NEBL: variants seen among roughly 807,000 people sequenced by gnomAD.
NEBL encodes the protein LIM and SH3 protein 2.
NEBL carries 122 observed loss-of-function variants against 140.2 expected under a neutral mutation model. That is an observed-to-expected ratio of 0.87 (90% CI 0.75 to 1.01). The LOEUF is 1.01. NEBL is among the 50% of genes least tolerant of loss of function. The pLI is 0.00. For synonymous variants in NEBL, 436 were observed against 398.9 expected (o/e 1.09, Z -1.11); for missense variants, 1,365 against 1,231.3 (o/e 1.11, Z -1.62).
chr10:21,009,428 T>C (rs985037861), intron 3 of NEBL, among the ~76,000 whole-genome samples: 1 of 152,156 alleles, frequency 6.6e-6, no homozygotes, highest in Admixed American at 6.5e-5. Context: ...GAGCTCAGTG[T>C]CAGTCAAAAG....
exon 1 of NEBL, chr10:21,174,168 C>T (rs1184186045): frequency 2.5e-6 from 1 of 399,014 alleles, no homozygotes; most frequent in Non-Finnish European, 3.5e-6. Flanking sequence ...TCCCCCGCCT[C>T]GCCGCCGCCG....
chr10:20,956,688 ACTT>A (rs1022160066), intron 4 of NEBL, among the ~76,000 whole-genome samples: 1 of 152,190 alleles, frequency 6.6e-6, no homozygotes, highest in African/African-American at 2.4e-5. Context: ...TAGTTATAAA[ACTT>A]CTGCTTTTTG....
Position 21,220,151 on chromosome 10 carries a change from G to C in NEBL, n.348+27770C>G, listed in dbSNP as rs144709935. Among the ~76,000 whole-genome samples the C allele has an allele frequency of 8.1e-3, 1,236 of 152,192 alleles. 18 individuals are homozygous for C. The highest frequency in any genetic ancestry group is 0.028 in the African/African-American group (1,176 of 41,512). On this transcript the variant is annotated intron_variant and non_coding_transcript_variant, in intron 3 of 8. Transcript: ENST00000675702. ...TGGTCTCGAACTCCTGACCTCAAGT[G>C]ATCCGCCCATCTTGGCCTCCCGAAG...
chr10:21,040,884 C>T (rs1029152013), intron 2 of NEBL, among the ~76,000 whole-genome samples: 1 of 152,098 alleles, frequency 6.6e-6, no homozygotes, highest in Non-Finnish European at 1.5e-5. Context: ...TCCTCTTCCT[C>T]CAGCTATGTA....
In NEBL at chr10:20,785,381, T is replaced by C; in HGVS notation, c.*366A>G. 3.3e-6 allele frequency: 1 copy of C among 299,850 alleles called. No homozygotes were observed. Among genetic ancestry groups the C allele is most frequent in the Non-Finnish European group, 6.5e-6 (1 of 154,754 alleles). 18.6% of individuals were successfully genotyped at this position (299,850 alleles called of 1,614,324 possible). ...AGTTAAGAGAATTGGCTTGGGGTGA[T>C]TCCAAAGTGACAGCTAAGAAGTTTC... On this transcript the variant is annotated 3_prime_UTR_variant, in exon 28 of 28. Transcript: ENST00000377122.
intron 3 of NEBL, among the ~76,000 whole-genome samples, chr10:21,003,400 G>A (rs557438458): frequency 9.9e-5 from 15 of 152,092 alleles, no homozygotes; most frequent in East Asian, 7.7e-4. Flanking sequence ...CCAACACCTC[G>A]CCTGCCCCAC....
At chr10:21,189,570 G>T (rs1841538041) in intron 3 of NEBL, among the ~76,000 whole-genome samples, 3 of 152,098 alleles carry the variant, frequency 2.0e-5, no homozygotes, top group South Asian at 2.1e-4. Flanking sequence ...GTTCCCGCCA[G>T]TCTCCTGCCT....
chr10:20,813,866 GAAGT>G (rs1564346790), intron 23 of NEBL, 69 bp downstream of exon 23: 1 of 973,730 alleles, frequency 1.0e-6, no homozygotes, highest in African/African-American at 1.6e-5. Context: ...GATTAATAGT[GAAGT>G]AATGCCATCC....
intron 2 of NEBL, among the ~76,000 whole-genome samples, chr10:21,064,191 C>A (rs11599453): frequency 0.14 from 21,895 of 151,170 alleles, 1,687 homozygotes; most frequent in East Asian, 0.26. Flanking sequence ...AGAAACACAG[C>A]ACATACTTAA....
chr10:20,900,667 A>C (rs1847824809), upstream of NEBL, among the ~76,000 whole-genome samples: 1 of 145,092 alleles, frequency 6.9e-6, no homozygotes, highest in South Asian at 2.1e-4. Context: ...CTACTAAAAT[A>C]CAAAAAAAAA....
At chr10:21,182,135 G>A (rs921553091) in intron 3 of NEBL, among the ~76,000 whole-genome samples, 9 of 150,958 alleles carry the variant, frequency 6.0e-5, no homozygotes, top group Non-Finnish European at 7.4e-5. Context: ...ATTTAACCAC[G>A]GACAGGATAT....
chr10:20,821,687 G>A (rs1399202226), intron 19 of NEBL, among the ~76,000 whole-genome samples: 1 of 152,130 alleles, frequency 6.6e-6, no homozygotes, highest in African/African-American at 2.4e-5. Flanking sequence ...CATTAAGATT[G>A]TCAGTAAGCC....
At chr10:21,094,747 A>T (rs1837102155) in intron 2 of NEBL, among the ~76,000 whole-genome samples, 1 of 152,172 alleles carries the variant, frequency 6.6e-6, no homozygotes, top group Non-Finnish European at 1.5e-5. Flanking sequence ...CATGAATATT[A>T]CAGACTCCTG....
chr10:21,041,175 C>T (rs139297826), intron 2 of NEBL, among the ~76,000 whole-genome samples: 1 of 152,136 alleles, frequency 6.6e-6, no homozygotes, highest in Admixed American at 6.5e-5. Context: ...CAGCATAATA[C>T]CTGATAGTTT....
intron 3 of NEBL, among the ~76,000 whole-genome samples, chr10:21,017,522 C>T (rs532509586): frequency 6.6e-6 from 1 of 152,154 alleles, no homozygotes; most frequent in Non-Finnish European, 1.5e-5. Flanking sequence ...TTGTATATGC[C>T]ACCCTTTGAA....
intron 3 of NEBL, among the ~76,000 whole-genome samples, chr10:21,232,439 A>G (rs1309152654): frequency 1.3e-5 from 2 of 152,308 alleles, no homozygotes; most frequent in South Asian, 2.1e-4. Context: ...TTATTATTAC[A>G]TTGTAATATA....
rs541576577 is a variant in NEBL at position 21,226,955 on chromosome 10, C to A, written n.348+20966G>T. Among the ~76,000 whole-genome samples, 59 of 152,240 alleles carry A rather than the reference C, an allele frequency of 3.9e-4. No homozygotes were observed. In the South Asian group the frequency reaches 0.012, roughly 31 times the overall value. On this transcript the variant is annotated intron_variant and non_coding_transcript_variant, in intron 3 of 8. Coordinates refer to the NEBL transcript ENST00000675702. ...AAATCAGCCATCTTGTCCACCTCCC[C>A]ACTACTATTTTTTTTTAATATTACA... is the stretch of plus-strand genomic sequence containing the variant.
intron 3 of NEBL, among the ~76,000 whole-genome samples, chr10:20,981,473 C>T (rs1837038562): frequency 6.6e-6 from 1 of 152,274 alleles, no homozygotes; most frequent in East Asian, 1.9e-4. Context: ...TTCATATATA[C>T]TGTGGTCAGC....
chr10:20,852,568 C>T lies in NEBL; in HGVS notation c.985G>A (p.Gly329Ser), dbSNP rs763526352. ...ACCTGACTTTGGAGGACGGCATTGCCTTTATGGTGCAGATGTTCCACAGCA... is the reference window on the plus strand; with the variant it reads ...ACCTGACTTTGGAGGACGGCATTGCTTTTATGGTGCAGATGTTCCACAGCA... ...ADAVEHLHHK[G>S]NAVLQSQVKY... The change falls in exon 10 of 28, where the codon GGC becomes AGC. Residue 329 changes from glycine (G) to serine (S), a missense_variant. Gly to Ser is a moderately conservative substitution (Grantham distance 56, BLOSUM62 0). Coordinates refer to ENST00000377122, the MANE Select transcript of NEBL (RefSeq NM_006393.3). 6.2e-7 allele frequency: 1 copy of T among 1,613,554 alleles called. No individual in the cohort carries two copies. Among genetic ancestry groups the T allele is most frequent in the Middle Eastern group, 1.7e-4 (1 of 6,048 alleles).
Sources: gnomAD v4.1 joint callset for allele counts (sites outside exome capture counted in the v4.1 genomes callset) on GRCh38, gnomAD v4.1.1 for gene constraint, MANE v1.5 for transcripts, NCBI Gene and HGNC (gene_info 2026-07-23, HGNC 2026-07-21) for gene names.